THSD7B: variants seen among roughly 807,000 people sequenced by gnomAD.
THSD7B encodes the protein thrombospondin type 1 domain containing 7B, also known as thrombospondin type-1 domain-containing protein 7B.
Under a neutral mutation model 213.6 loss-of-function variants are expected in THSD7B, and 138 were observed. The observed-to-expected ratio is 0.65, with a 90% CI of 0.56 to 0.74. The LOEUF (loss-of-function observed/expected upper bound fraction) is 0.74, where lower values mean the gene tolerates loss of function less well. THSD7B is among the 30% of genes least tolerant of loss of function. The pLI, the probability that THSD7B is intolerant of heterozygous loss-of-function variation, is 0.00. For synonymous variants in THSD7B, 742 were observed against 687.0 expected, an observed-to-expected ratio of 1.08 and a Z score of -1.25; for missense variants, 1,931 against 1,991.5, an observed-to-expected ratio of 0.97 and a Z score of 0.58.
intron 1 of THSD7B, among the ~76,000 whole-genome samples, chr2:136,844,971 A>G (rs900769892): frequency 6.6e-6 from 1 of 152,206 alleles, no homozygotes; most frequent in African/African-American, 2.4e-5. Flanking sequence ...TCTTCCTTTC[A>G]TATGTGTTGA....
At chr2:137,529,915 G>A (rs1288659610) in intron 15 of THSD7B, among the ~76,000 whole-genome samples, 1 of 151,874 alleles carries the variant, frequency 6.6e-6, no homozygotes, top group Non-Finnish European at 1.5e-5. Context: ...TTAAAAGGGA[G>A]AGAAAATGCC....
At chr2:137,258,099 T>C (rs927373863) in intron 10 of THSD7B, among the ~76,000 whole-genome samples, 175 of 152,344 alleles carry the variant, frequency 1.1e-3, no homozygotes, top group African/African-American at 3.8e-3. Context: ...TATTAAACTT[T>C]TGTGGTTCCA....
chr2:137,513,980 T>G (rs904881644), intron 15 of THSD7B, among the ~76,000 whole-genome samples: 9 of 152,252 alleles, frequency 5.9e-5, no homozygotes, highest in African/African-American at 2.2e-4. Flanking sequence ...TCTATCTCTA[T>G]GCCTCACTGC....
intron 1 of THSD7B, among the ~76,000 whole-genome samples, chr2:136,872,715 A>G (rs1399389933): frequency 2.0e-5 from 3 of 149,110 alleles, no homozygotes; most frequent in Non-Finnish European, 4.4e-5. Context: ...GTAGTTTTAG[A>G]AGAAAAGGAG....
At chr2:137,336,058 T>C (rs1460731568) in intron 12 of THSD7B, among the ~76,000 whole-genome samples, 2 of 152,138 alleles carry the variant, frequency 1.3e-5, no homozygotes, top group Non-Finnish European at 2.9e-5. Flanking sequence ...TAGAGAAATA[T>C]GAGGTCATTG....
chr2:137,452,643 T>C (rs1356549953), intron 15 of THSD7B, among the ~76,000 whole-genome samples: 1 of 152,192 alleles, frequency 6.6e-6, no homozygotes, highest in African/African-American at 2.4e-5. Context: ...AATATGCTAA[T>C]TTTATGAACT....
intron 17 of THSD7B, among the ~76,000 whole-genome samples, chr2:137,594,909 G>C (rs188823551): frequency 6.6e-6 from 1 of 152,004 alleles, no homozygotes; most frequent in East Asian, 1.9e-4. Context: ...ATAGTGTTCA[G>C]TGTAGATGTT....
intron 14 of THSD7B, among the ~76,000 whole-genome samples, chr2:137,419,924 T>C (rs1404422079): frequency 6.6e-6 from 1 of 152,114 alleles, no homozygotes; most frequent in Non-Finnish European, 1.5e-5. Context: ...TAGATACCCC[T>C]TTGCTATATT....
At chr2:137,558,910 T>C (rs1333522019) in intron 15 of THSD7B, among the ~76,000 whole-genome samples, 1 of 152,142 alleles carries the variant, frequency 6.6e-6, no homozygotes, top group Non-Finnish European at 1.5e-5. Flanking sequence ...AGCATTCTTA[T>C]ACACCAATAA....
At chr2:137,253,614 C>T (rs1158003872) in intron 10 of THSD7B, among the ~76,000 whole-genome samples, 3 of 151,956 alleles carry the variant, frequency 2.0e-5, no homozygotes, top group East Asian at 1.9e-4. Context: ...TCTTATTTGT[C>T]GATAGAGGTA....
chr2:137,330,042 G>T (rs1163529810), intron 12 of THSD7B, among the ~76,000 whole-genome samples: 1 of 152,194 alleles, frequency 6.6e-6, no homozygotes, highest in Non-Finnish European at 1.5e-5. Flanking sequence ...GCTTCAGAGG[G>T]TGCAATCTTT....
At chr2:136,844,843 G>A (rs908918305) in intron 1 of THSD7B, among the ~76,000 whole-genome samples, 1 of 152,238 alleles carries the variant, frequency 6.6e-6, no homozygotes, top group African/African-American at 2.4e-5. Flanking sequence ...AGCCATCAGA[G>A]TGCAAGGTGG....
At chr2:137,244,110 C>T (rs4954491) in intron 10 of THSD7B, among the ~76,000 whole-genome samples, 37,460 of 151,996 alleles carry the variant, frequency 0.25, 5,086 homozygotes, top group East Asian at 0.47. Context: ...TCTGTCTCTA[C>T]TCTGAGCCAT....
At chr2:136,797,323 A>G (rs2710191) in intron 1 of THSD7B, among the ~76,000 whole-genome samples, 21,032 of 151,970 alleles carry the variant, frequency 0.14, 1,681 homozygotes, top group South Asian at 0.2. Context: ...GAAGGCCATG[A>G]GTCACTAAAC....
intron 15 of THSD7B, among the ~76,000 whole-genome samples, chr2:137,495,880 C>G (rs962485964): frequency 6.6e-6 from 1 of 152,084 alleles, no homozygotes; most frequent in Non-Finnish European, 1.5e-5. Flanking sequence ...TCCAGTTCTA[C>G]CCCCCTGGCA....
intron 2 of THSD7B, among the ~76,000 whole-genome samples, chr2:136,926,905 G>C (rs796966742): frequency 7.2e-5 from 11 of 152,072 alleles, no homozygotes; most frequent in African/African-American, 2.4e-4. Flanking sequence ...TTTTTCAAAT[G>C]CATTTCTATT....
chr2:137,024,713 T>C (rs528865619), intron 2 of THSD7B, among the ~76,000 whole-genome samples: 1 of 152,256 alleles, frequency 6.6e-6, no homozygotes, highest in African/African-American at 2.4e-5. Context: ...ACACTCTTCC[T>C]GTTCTTCCCA....
At position 137,086,773 on chromosome 2, in the gene THSD7B, G is replaced by A. The variant is rs572437934; in HGVS notation, c.951-8100G>A. Among the ~76,000 whole-genome samples, 73 of 152,280 alleles carry A rather than the reference G, an allele frequency of 4.8e-4. 1 individual carries two copies. The highest frequency in any genetic ancestry group is 1.6e-3 in the African/African-American group (66 of 41,562). ...TCATGGTAACCTGGAAAACAAATGA[G>A]TTTCCTCAACAAAAATAAGCCTGAT... On this transcript the variant is annotated intron_variant, in intron 3 of 27. Coordinates refer to ENST00000409968, the MANE Select transcript of THSD7B (RefSeq NM_001316349.2).
At chr2:136,867,030 T>C (rs990365142) in intron 1 of THSD7B, among the ~76,000 whole-genome samples, 4 of 152,232 alleles carry the variant, frequency 2.6e-5, no homozygotes, top group African/African-American at 9.6e-5. Flanking sequence ...ATTCATTTCT[T>C]CATTTATTCA....
Sources: gnomAD v4.1 joint callset for allele counts (sites outside exome capture counted in the v4.1 genomes callset) on GRCh38, gnomAD v4.1.1 for gene constraint, MANE v1.5 for transcripts, NCBI Gene and HGNC (gene_info 2026-07-23, HGNC 2026-07-21) for gene names.